Variants in ENOX1 observed in about 807,000 individuals in gnomAD.
ENOX1 encodes the protein ecto-NOX disulfide-thiol exchanger 1.
In ENOX1, 42 loss-of-function variants were observed where a neutral mutation model predicts 82.5. The ratio of observed to expected loss-of-function variants is 0.51; its 90% CI spans 0.40 to 0.66. The LOEUF is 0.66. Ranked by LOEUF, ENOX1 falls within the 30% of genes least tolerant of loss-of-function variation. The probability of loss-of-function intolerance (pLI) is 0.00; values close to 1 mark genes in which losing one functional copy is unlikely to be tolerated. For synonymous variants in ENOX1, 271 were observed against 282.2 expected (o/e 0.96, Z 0.40); for missense variants, 608 against 811.6 (o/e 0.75, Z 3.05).
intron 12 of ENOX1, among the ~76,000 whole-genome samples, chr13:43,284,681 C>T (rs2045584274): frequency 6.6e-6 from 1 of 152,178 alleles, no homozygotes; most frequent in Non-Finnish European, 1.5e-5. Flanking sequence ...TTATTACACT[C>T]TTCCTTGGAA....
At chr13:43,605,544 T>C (rs1354887378) in intron 2 of ENOX1, among the ~76,000 whole-genome samples, 1 of 152,062 alleles carries the variant, frequency 6.6e-6, no homozygotes, top group African/African-American at 2.4e-5. Context: ...GTCAAGAACA[T>C]ACCTTAGGGG....
chr13:43,308,059 A>C (rs2046969200), intron 11 of ENOX1, among the ~76,000 whole-genome samples: 1 of 152,214 alleles, frequency 6.6e-6, no homozygotes, highest in Non-Finnish European at 1.5e-5. Flanking sequence ...ACGGATGAGC[A>C]AACAGTTCCT....
chr13:43,425,856 A>G (rs1331606009), intron 3 of ENOX1, among the ~76,000 whole-genome samples: 1 of 152,240 alleles, frequency 6.6e-6, no homozygotes, highest in Admixed American at 6.5e-5. Flanking sequence ...CACTTTGCAG[A>G]AATTACTGAG....
chr13:43,412,258 C>T (rs2054180019), intron 4 of ENOX1, among the ~76,000 whole-genome samples: 1 of 152,058 alleles, frequency 6.6e-6, no homozygotes, highest in South Asian at 2.1e-4. Flanking sequence ...AACTTAATGA[C>T]ATGTAGTTTA....
At chr13:43,678,737 G>A (rs1245122919) in intron 1 of ENOX1, among the ~76,000 whole-genome samples, 1 of 151,902 alleles carries the variant, frequency 6.6e-6, no homozygotes, top group African/African-American at 2.4e-5. Context: ...CTAAAGTGAA[G>A]TCACACACTC....
chr13:43,785,735 A>G (rs1952538774), intron 1 of ENOX1, among the ~76,000 whole-genome samples: 1 of 152,220 alleles, frequency 6.6e-6, no homozygotes, highest in South Asian at 2.1e-4. Flanking sequence ...CCGCGGGATG[A>G]CAACCACAAC....
chr13:43,781,617 G>A (rs547399198), intron 1 of ENOX1, among the ~76,000 whole-genome samples: 21 of 152,064 alleles, frequency 1.4e-4, no homozygotes, highest in East Asian at 1.4e-3. Context: ...GGGTTCAAGC[G>A]ATTCTCCTGC....
chr13:43,364,716 T>A (rs1173897844), intron 5 of ENOX1, among the ~76,000 whole-genome samples: 1 of 152,206 alleles, frequency 6.6e-6, no homozygotes, highest in African/African-American at 2.4e-5. Context: ...ATTCAGCATT[T>A]CCTGGGCACG....
chr13:43,458,869 T>C (rs1426375764), intron 3 of ENOX1: 3 of 152,210 alleles, frequency 2.0e-5, no homozygotes, highest in Non-Finnish European at 4.4e-5. Context: ...CATTTTGTTT[T>C]ACCTTCCGTT....
intron 16 of ENOX1, among the ~76,000 whole-genome samples, chr13:43,223,274 C>T (rs1031150102): frequency 6.6e-5 from 10 of 152,180 alleles, no homozygotes; most frequent in South Asian, 2.1e-4. Flanking sequence ...ACAGGCAACT[C>T]GCTGGCTTCT....
chr13:43,344,682 G>A lies in ENOX1; in HGVS notation c.892C>T (p.Arg298Cys), dbSNP rs760212959. The change falls in exon 9 of 17, where the codon CGC (arginine) becomes TGC (cysteine). Residue 298 changes from arginine (R) to cysteine (C), a missense_variant. Transcript: ENST00000690772. ...ATGGAATAGAACTGGTTTGCAGAGC[G>A]CCGATTCACTTCCCCTCGTTCAATC... ...SWIERGEVNR[R>C]SANQFYSMVQ... The A allele has an allele frequency of 6.8e-6, 11 of 1,614,000 alleles. No individual in the cohort carries two copies. The highest frequency in any genetic ancestry group is 8.5e-6 in the Non-Finnish European group (10 of 1,180,042).
intron 2 of ENOX1, among the ~76,000 whole-genome samples, chr13:43,495,299 T>C (rs1394942322): frequency 6.6e-6 from 1 of 152,096 alleles, no homozygotes; most frequent in African/African-American, 2.4e-5. Context: ...ATACAAAACA[T>C]TTCCATCACC....
At chr13:43,738,576 TA>T (rs1247442813) in intron 1 of ENOX1, among the ~76,000 whole-genome samples, 1 of 152,224 alleles carries the variant, frequency 6.6e-6, no homozygotes, top group Non-Finnish European at 1.5e-5. Context: ...AATAATTCTT[TA>T]GTTGCATATC....
At chr13:43,460,829 AATAG>A (rs2057449175) in intron 3 of ENOX1, among the ~76,000 whole-genome samples, 1 of 20,488 alleles carries the variant, frequency 4.9e-5, no homozygotes, top group African/African-American at 1.5e-4. Context: ...AAAAAAAAAA[AATAG>A]GGATAGCTCT....
At chr13:43,584,310 A>T (rs541978148) in intron 2 of ENOX1, among the ~76,000 whole-genome samples, 55 of 152,274 alleles carry the variant, frequency 3.6e-4, no homozygotes, top group African/African-American at 1.3e-3. Flanking sequence ...CACTATACAC[A>T]TCCATCCGCT....
chr13:43,719,655 C>A (rs1427065170), intron 1 of ENOX1, among the ~76,000 whole-genome samples: 6 of 152,138 alleles, frequency 3.9e-5, no homozygotes, highest in Admixed American at 1.3e-4. Flanking sequence ...CACCAGAGAA[C>A]CCTAACGTAG....
chr13:43,374,313 A>G (rs1384330040), intron 5 of ENOX1, among the ~76,000 whole-genome samples: 1 of 148,968 alleles, frequency 6.7e-6, no homozygotes, highest in African/African-American at 2.5e-5. Flanking sequence ...CAGCTCCATC[A>G]CAGCTCATTG....
chr13:43,720,344 T>C (rs543363603), intron 1 of ENOX1, among the ~76,000 whole-genome samples: 13 of 152,186 alleles, frequency 8.5e-5, no homozygotes, highest in Non-Finnish European at 2.9e-5. Context: ...TCGCACAAGT[T>C]TTCCTTCATA....
chr13:43,348,075 C>T (rs906863043), intron 8 of ENOX1, among the ~76,000 whole-genome samples: 3 of 152,226 alleles, frequency 2.0e-5, no homozygotes, highest in African/African-American at 7.2e-5. Flanking sequence ...CACGGCGTGC[C>T]TCCCTGCATC....
Sources: gnomAD v4.1 joint callset for allele counts (sites outside exome capture counted in the v4.1 genomes callset) on GRCh38, gnomAD v4.1.1 for gene constraint, MANE v1.5 for transcripts, NCBI Gene and HGNC (gene_info 2026-07-23, HGNC 2026-07-21) for gene names.